PSMF1: variants seen among roughly 807,000 people sequenced by gnomAD.
PSMF1 encodes proteasome inhibitor subunit 1.
Under a neutral mutation model 29.3 loss-of-function variants are expected in PSMF1, and 30 were observed. The ratio of observed to expected loss-of-function variants is 1.02; its 90% CI spans 0.77 to 1.39. PSMF1 has a LOEUF of 1.39. Ranked by LOEUF, PSMF1 falls within the 40% of genes most tolerant of loss-of-function variation. PSMF1 has a pLI of 0.00. For missense variants in PSMF1, 344 were observed against 357.5 expected, an observed-to-expected ratio of 0.96 and a Z score of 0.31; for synonymous variants, 134 against 139.7, an observed-to-expected ratio of 0.96 and a Z score of 0.29.
intron 3 of PSMF1, among the ~76,000 whole-genome samples, chr20:1,134,259 A>G (rs1207921147): frequency 6.6e-6 from 1 of 152,036 alleles, no homozygotes; most frequent in Non-Finnish European, 1.5e-5. Context: ...CTTTAGTTAT[A>G]TCCCACATAT....
rs2086697492 is a variant in PSMF1, at chr20:1,163,962, T to A, written c.606-356T>A. On this transcript the variant is annotated intron_variant, in intron 5 of 6. Transcript: ENST00000335877. The surrounding 1 kb of genome is among the most constrained non-coding windows in gnomAD (Gnocchi z 6.1). The stretch of plus-strand genomic sequence containing the variant: ...GTAGCACCCTGCAGAACCTTGTGAG[T>A]GCATTGTAGTTGACCTTGGCAAGTT... Among the ~76,000 whole-genome samples, 1 of 152,206 alleles carries A rather than the reference T, an allele frequency of 6.6e-6. No individual in the cohort carries two copies. Among genetic ancestry groups the A allele is most frequent in the Non-Finnish European group, 1.5e-5 (1 of 68,034 alleles).
chr20:1,167,289 G>T lies in PSMF1; in HGVS notation c.*2209G>T, dbSNP rs2086742043. On this transcript the variant is annotated 3_prime_UTR_variant, in exon 7 of 7. Coordinates refer to ENST00000335877, the MANE Select transcript of PSMF1 (RefSeq NM_006814.5). ...TATATTTTGTAGAACCCAAAAGATT[G>T]GAGCCTTAACAATAAACATCAGCAC... 1 of 152,130 alleles carries T rather than the reference G, an allele frequency of 6.6e-6. No homozygotes were observed. The highest frequency in any genetic ancestry group is 2.4e-5 in the African/African-American group (1 of 41,406). 9.4% of individuals were successfully genotyped at this position (152,130 alleles called of 1,614,324 possible).
intron 1 of PSMF1, among the ~76,000 whole-genome samples, chr20:1,120,032 G>A (rs2086066367): frequency 6.6e-6 from 1 of 151,934 alleles, no homozygotes; most frequent in Non-Finnish European, 1.5e-5. Flanking sequence ...CTTCAAACTT[G>A]CTTTGTACAT....
upstream of PSMF1, among the ~76,000 whole-genome samples, chr20:1,116,054 A>T (rs1423661540): frequency 6.7e-6 from 1 of 149,588 alleles, no homozygotes; most frequent in East Asian, 1.9e-4. Context: ...TTTTTTAAAC[A>T]CTAGACAGTG....
Position 1,169,513 on chromosome 20 carries a change from G to C in PSMF1, c.*4433G>C, listed in dbSNP as rs1021602815. 2.0e-5 allele frequency among the ~76,000 whole-genome samples: 3 copies of C among 152,196 alleles called. No individual in the cohort carries two copies. The highest frequency in any genetic ancestry group is 2.0e-4 in the Admixed American group (3 of 15,280). ...GTGAGAGTCACAGTGGGTTTAGAGG[G>C]ACAAGGTAGTGAGAGGATGCTGCTG... On this transcript the variant is annotated 3_prime_UTR_variant, in exon 7 of 7. Transcript: ENST00000335877.
chr20:1,132,967 T>TG (rs1682779380), intron 3 of PSMF1, among the ~76,000 whole-genome samples: 1 of 87,544 alleles, frequency 1.1e-5, no homozygotes, highest in Non-Finnish European at 2.6e-5. Context: ...TAGGGTTTTT[T>TG]TGTTTTTTTT....
At chr20:1,116,744 A>G (rs183441399), upstream of PSMF1, among the ~76,000 whole-genome samples, 1 of 152,214 alleles carries the variant, frequency 6.6e-6, no homozygotes, top group East Asian at 1.9e-4. Flanking sequence ...TAAACACCTA[A>G]CATAGTTTCA....
chr20:1,137,635 GAA>G (rs55815568), intron 4 of PSMF1, among the ~76,000 whole-genome samples: 147,582 of 152,246 alleles, frequency 0.97, 71,543 homozygotes, highest in Middle Eastern at 1. Context: ...AGAAAAGGGA[GAA>G]AAGGAGGCTC....
intron 3 of PSMF1, among the ~76,000 whole-genome samples, chr20:1,133,557 A>ATG (rs1568469000): frequency 1.2e-4 from 6 of 48,256 alleles, no homozygotes; most frequent in East Asian, 8.8e-4. Context: ...ATATATGTGT[A>ATG]TATATATATA....
chr20:1,164,576 C>G lies in PSMF1; in HGVS notation c.764+100C>G, dbSNP rs1011002137. The G allele has an allele frequency of 2.7e-6, 4 of 1,463,348 alleles. No homozygotes were observed. The highest frequency in any genetic ancestry group is 3.7e-5 in the Admixed American group (2 of 54,416). 90.6% of individuals were successfully genotyped at this position (1,463,348 alleles called of 1,614,324 possible). On this transcript the variant is annotated intron_variant, in intron 6 of 6. Coordinates refer to ENST00000335877, the MANE Select transcript of PSMF1 (RefSeq NM_006814.5). This position sits in a 1 kb window ranked among gnomAD's most constrained non-coding sequence, Gnocchi z 4.1. Reference sequence around the variant, plus strand: ...TCTAGCCCCAGGCACAGAGCTGCCGCTGCCTTCACCTGTTGCTGCCAGGAG... The same window carrying G: ...TCTAGCCCCAGGCACAGAGCTGCCGGTGCCTTCACCTGTTGCTGCCAGGAG...
upstream of PSMF1, among the ~76,000 whole-genome samples, chr20:1,114,416 C>T (rs571609506): frequency 6.6e-6 from 1 of 152,378 alleles, no homozygotes; most frequent in Admixed American, 6.5e-5. Context: ...TGAGAGAATA[C>T]ATGTTAAGAC....
At chr20:1,140,325 A>G (rs1314151255) in intron 4 of PSMF1, among the ~76,000 whole-genome samples, 2 of 152,204 alleles carry the variant, frequency 1.3e-5, no homozygotes, top group Non-Finnish European at 2.9e-5. Context: ...TGATTTCAGC[A>G]AGGTTGCCAA....
intron 3 of PSMF1, among the ~76,000 whole-genome samples, chr20:1,130,829 G>A (rs1479876269): frequency 6.6e-6 from 1 of 152,182 alleles, no homozygotes; most frequent in East Asian, 1.9e-4. Flanking sequence ...TTTTTGTAGA[G>A]ATGAGGTCTT....
chr20:1,148,548 C>T (rs1287994302), intron 4 of PSMF1, among the ~76,000 whole-genome samples: 1 of 152,172 alleles, frequency 6.6e-6, no homozygotes, highest in Admixed American at 6.5e-5. Flanking sequence ...CAATCTGTAT[C>T]TTTACATATT....
At chr20:1,142,427 C>G (rs13040574) in intron 4 of PSMF1, among the ~76,000 whole-genome samples, 5 of 150,438 alleles carry the variant, frequency 3.3e-5, no homozygotes, top group African/African-American at 7.3e-5. Context: ...CTCCTCCCCC[C>G]ACCCCACAAC....
At chr20:1,146,590 C>G (rs993777843) in intron 4 of PSMF1, among the ~76,000 whole-genome samples, 1 of 152,120 alleles carries the variant, frequency 6.6e-6, no homozygotes, top group African/African-American at 2.4e-5. Context: ...GAGCTTGTCC[C>G]TCCTCCATAT....
At chr20:1,145,359 C>T (rs2179449) in intron 4 of PSMF1, among the ~76,000 whole-genome samples, 122,051 of 152,118 alleles carry the variant, frequency 0.8, 49,388 homozygotes, top group Non-Finnish European at 0.83. Flanking sequence ...CTCGCTCATA[C>T]CTAGTCAGGG....
At chr20:1,116,083 A>G (rs2086009763), upstream of PSMF1, among the ~76,000 whole-genome samples, 2 of 150,522 alleles carry the variant, frequency 1.3e-5, no homozygotes, top group African/African-American at 4.9e-5. Flanking sequence ...AGGGACAGGA[A>G]CCTGTTCATC....
At chr20:1,137,638 AAG>A (rs2086324024) in intron 4 of PSMF1, among the ~76,000 whole-genome samples, 2 of 256 alleles carry the variant, frequency 7.8e-3, no homozygotes, top group Admixed American at 0.12. Context: ...AAAGGGAGAA[AAG>A]GAGGCTCTTG....
Sources: gnomAD v4.1 joint callset for allele counts (sites outside exome capture counted in the v4.1 genomes callset) on GRCh38, gnomAD v4.1.1 for gene constraint, Gnocchi (gnomAD v3.1) non-coding constraint, MANE v1.5 for transcripts, NCBI Gene and HGNC (gene_info 2026-07-23, HGNC 2026-07-21) for gene names.